The following KLHL14 variants were observed in gnomAD, a reference collection of about 807,000 sequenced individuals.
KLHL14 encodes kelch-like protein 14.
Under a neutral mutation model 64.3 loss-of-function variants are expected in KLHL14, and 22 were observed. The observed-to-expected ratio is 0.34, with a 90% CI of 0.24 to 0.49. KLHL14 has a LOEUF of 0.49. Ranked by LOEUF, KLHL14 falls within the 20% of genes least tolerant of loss-of-function variation. KLHL14 has a pLI of 0.99. For missense variants in KLHL14, 661 were observed against 789.0 expected (o/e 0.84, Z 1.94); for synonymous variants, 322 against 333.4 (o/e 0.97, Z 0.37).
At chr18:32,725,645 C>T (rs2050104516) in intron 3 of KLHL14, among the ~76,000 whole-genome samples, 1 of 152,178 alleles carries the variant, frequency 6.6e-6, no homozygotes, top group Non-Finnish European at 1.5e-5. Context: ...GTGAGCTAGG[C>T]ATGGGGGAGC....
intron 3 of KLHL14, among the ~76,000 whole-genome samples, chr18:32,726,855 A>G (rs1181253973): frequency 1.3e-5 from 2 of 152,170 alleles, no homozygotes; most frequent in Non-Finnish European, 2.9e-5. Flanking sequence ...AGCATCATGC[A>G]TGAGGATGAT....
chr18:32,742,926 T>G (rs988672127), intron 2 of KLHL14: 3 of 152,296 alleles, frequency 2.0e-5, no homozygotes, highest in Admixed American at 1.3e-4. Context: ...GTGACTGTGA[T>G]TCCCAGTCCG....
At chr18:32,766,088 G>C (rs1275400455) in intron 2 of KLHL14, among the ~76,000 whole-genome samples, 1 of 151,952 alleles carries the variant, frequency 6.6e-6, no homozygotes, top group Non-Finnish European at 1.5e-5. Flanking sequence ...TTAATGTATT[G>C]ATGAAGTACA....
chr18:32,772,115 G>GGCCCGCCC (rs964688078), intron 1 of KLHL14: 1 of 161,326 alleles, frequency 6.2e-6, no homozygotes, highest in Admixed American at 9.0e-5. Flanking sequence ...CCGGCCCGCC[G>GGCCCGCCC]GCCCGCCCGC....
chr18:32,750,227 A>C (rs2050244481), intron 2 of KLHL14, among the ~76,000 whole-genome samples: 1 of 152,182 alleles, frequency 6.6e-6, no homozygotes, highest in South Asian at 2.1e-4. Context: ...CATTTAGACC[A>C]TAGCAAAATA....
At chr18:32,746,556 G>C (rs1034841634) in intron 2 of KLHL14, among the ~76,000 whole-genome samples, 1 of 152,136 alleles carries the variant, frequency 6.6e-6, no homozygotes. Flanking sequence ...CAATAATTGG[G>C]AAACAGGCCA....
chr18:32,734,313 G>C (rs1250546155), intron 3 of KLHL14: 2 of 692,838 alleles, frequency 2.9e-6, no homozygotes, highest in Non-Finnish European at 5.3e-6. Flanking sequence ...TCTTCTCCCT[G>C]CTGCATCCAT....
chr18:32,693,501 T>A (rs1233441508), intron 4 of KLHL14, among the ~76,000 whole-genome samples: 2 of 148,802 alleles, frequency 1.3e-5, no homozygotes, highest in Non-Finnish European at 3.0e-5. Context: ...ATATAGTAAT[T>A]AAAGTTATAC....
At chr18:32,739,525 G>A (rs1476356212) in intron 3 of KLHL14, among the ~76,000 whole-genome samples, 1 of 151,912 alleles carries the variant, frequency 6.6e-6, no homozygotes, top group Non-Finnish European at 1.5e-5. Flanking sequence ...TTAAGTACAA[G>A]TTCCAGTGAA....
chr18:32,676,821 T>G (rs1000672055), intron 8 of KLHL14, among the ~76,000 whole-genome samples: 2 of 152,146 alleles, frequency 1.3e-5, no homozygotes, highest in African/African-American at 4.8e-5. Context: ...GGAGAATGAA[T>G]TTCCATTTTT....
intron 4 of KLHL14, among the ~76,000 whole-genome samples, chr18:32,693,407 C>CAGAGAG (rs1313230238): frequency 1.7e-5 from 2 of 119,794 alleles, no homozygotes; most frequent in African/African-American, 6.5e-5. Context: ...CACACACACA[C>CAGAGAG]ACACACAGAG....
chr18:32,758,082 A>ATC (rs552965449), intron 2 of KLHL14, among the ~76,000 whole-genome samples: 12 of 151,040 alleles, frequency 7.9e-5, no homozygotes, highest in South Asian at 2.1e-4. Flanking sequence ...TTGAATAGAC[A>ATC]TCTCTCTCTC....
chr18:32,768,490 T>G (rs1343095541), intron 2 of KLHL14, among the ~76,000 whole-genome samples: 1 of 151,874 alleles, frequency 6.6e-6, no homozygotes. Context: ...TCATTCTGAC[T>G]GGGAAAATGC....
chr18:32,742,124 C>T (rs949383939), intron 2 of KLHL14, 75 bp from the exon 3 acceptor site: 7 of 1,461,978 alleles, frequency 4.8e-6, no homozygotes, highest in Non-Finnish European at 6.5e-6. Flanking sequence ...AAATCATAAC[C>T]ATCAAAGAAT....
chr18:32,700,114 G>A (rs982824605), intron 3 of KLHL14, among the ~76,000 whole-genome samples: 3 of 152,256 alleles, frequency 2.0e-5, no homozygotes, highest in Middle Eastern at 6.8e-3. Flanking sequence ...TCTAAGGAAT[G>A]TAAACCTCTT....
intron 3 of KLHL14, among the ~76,000 whole-genome samples, chr18:32,712,841 C>T (rs940829262): frequency 1.3e-5 from 2 of 152,118 alleles, no homozygotes; most frequent in African/African-American, 2.4e-5. Flanking sequence ...TCTCGATGCT[C>T]ATCTCATATC....
intron 2 of KLHL14, among the ~76,000 whole-genome samples, chr18:32,755,148 C>A (rs758705740): frequency 5.9e-5 from 9 of 152,008 alleles, no homozygotes; most frequent in Non-Finnish European, 1.0e-4. Context: ...TATCACCAAC[C>A]CTCGAGGGAC....
intron 2 of KLHL14, 54 bp from the exon 3 acceptor site, chr18:32,742,103 T>C: frequency 6.4e-7 from 1 of 1,553,374 alleles, no homozygotes; most frequent in Non-Finnish European, 8.7e-7. Context: ...AGAGTCTTTT[T>C]AGTGGCAACG....
intron 3 of KLHL14, among the ~76,000 whole-genome samples, chr18:32,725,440 T>C (rs1523592): frequency 0.29 from 44,877 of 152,128 alleles, 6,888 homozygotes; most frequent in African/African-American, 0.37. Context: ...AAAAATCTCA[T>C]TACACACATT....
Sources: allele counts gnomAD v4.1 joint callset (sites outside exome capture counted in the v4.1 genomes callset), GRCh38; gene constraint gnomAD v4.1.1; transcripts MANE v1.5; gene names NCBI Gene and HGNC (gene_info 2026-07-23, HGNC 2026-07-21).